Variants in IGSF21 observed in about 807,000 individuals in gnomAD.
IGSF21 encodes the protein immunoglobin superfamily member 21.
A neutral mutation model predicts 46.8 loss-of-function variants in IGSF21; 28 were observed. That is an observed-to-expected ratio of 0.60 (90% CI 0.44 to 0.82). IGSF21 has a LOEUF of 0.82. Ranked by LOEUF, IGSF21 falls within the 40% of genes least tolerant of loss-of-function variation. IGSF21 has a pLI of 0.00. For synonymous variants in IGSF21, 284 were observed against 273.6 expected (o/e 1.04, Z -0.38); for missense variants, 624 against 665.5 (o/e 0.94, Z 0.69).
At chr1:18,148,415 A>T (rs1195218018) in intron 1 of IGSF21, among the ~76,000 whole-genome samples, 1 of 152,132 alleles carries the variant, frequency 6.6e-6, no homozygotes, top group Non-Finnish European at 1.5e-5. Context: ...TACTGGCGTG[A>T]GCCACCATGC....
intron 2 of IGSF21, among the ~76,000 whole-genome samples, chr1:18,238,561 G>A (rs557571433): frequency 3.9e-5 from 6 of 152,264 alleles, no homozygotes; most frequent in Non-Finnish European, 8.8e-5. Context: ...TCTGATAATG[G>A]CAAGGAGACC....
intron 3 of IGSF21, among the ~76,000 whole-genome samples, chr1:18,309,585 T>C (rs2085461955): frequency 6.6e-6 from 1 of 152,172 alleles, no homozygotes; most frequent in Admixed American, 6.5e-5. Context: ...TTTGACAATG[T>C]GGGCCTCTCT....
chr1:18,108,005 C>T lies in IGSF21; in HGVS notation c.-124C>T. 3.0e-6 allele frequency: 1 copy of T among 332,808 alleles called. No individual in the cohort carries two copies. The highest frequency in any genetic ancestry group is 9.3e-4 in the Middle Eastern group (1 of 1,078). The allele number at this position is 332,808 out of a possible 1,614,324, so 20.6% of individuals were successfully genotyped here. On this transcript the variant is annotated 5_prime_UTR_variant, in exon 1 of 10. Coordinates refer to ENST00000251296, the MANE Select transcript of IGSF21 (RefSeq NM_032880.5). ...ATGGGGGCGCCCCCGCGGCTCTCCG[C>T]GCTGCCCGCCACCGCCTCGGCCAGT...
chr1:18,189,692 G>A (rs139105725), intron 1 of IGSF21, among the ~76,000 whole-genome samples: 18 of 152,090 alleles, frequency 1.2e-4, no homozygotes, highest in African/African-American at 4.3e-4. Context: ...AGTAGGGTCC[G>A]TGCTCCTATG....
intron 2 of IGSF21, among the ~76,000 whole-genome samples, chr1:18,242,307 G>A (rs898786667): frequency 6.6e-6 from 1 of 152,132 alleles, no homozygotes; most frequent in African/African-American, 2.4e-5. Flanking sequence ...CTCCCAAGCT[G>A]GACTCTCTTT....
At position 18,225,085 on chromosome 1, in the gene IGSF21, T is replaced by TCTCTCTCTCTCTCTCACACACACA; in HGVS notation, c.71-2812_71-2811insTCTCTCTCTCTCTCACACACACAC. Among the ~76,000 whole-genome samples, 145 of 51,552 alleles carry TCTCTCTCTCTCTCTCACACACACA rather than the reference T, an allele frequency of 2.8e-3. 3 individuals are homozygous for TCTCTCTCTCTCTCTCACACACACA. Among genetic ancestry groups the TCTCTCTCTCTCTCTCACACACACA allele is most frequent in the Non-Finnish European group, 3.8e-3 (95 of 25,170 alleles). 33.8% of individuals were successfully genotyped at this position (51,552 alleles called of 152,430 possible). A position where few individuals can be genotyped will look rare whatever the true frequency, so the allele number is the denominator to read the frequency against. On this transcript the variant is annotated intron_variant, in intron 1 of 9. Transcript: ENST00000251296. ...GTATCTCTCTCTCTCTCTCTCTCTCTCACACACACACACACACACACACAC... is the reference window on the plus strand; with the variant it reads ...GTATCTCTCTCTCTCTCTCTCTCTCTCTCTCTCTCTCTCTCACACACACACACACACACACACACACACACACAC...
At chr1:18,310,455 C>A (rs2085478124) in intron 3 of IGSF21, among the ~76,000 whole-genome samples, 1 of 152,224 alleles carries the variant, frequency 6.6e-6, no homozygotes, top group Non-Finnish European at 1.5e-5. Context: ...CTACGTAGTA[C>A]TCCACTGCGT....
At chr1:18,228,422 A>G (rs1192857376) in intron 2 of IGSF21, among the ~76,000 whole-genome samples, 1 of 152,174 alleles carries the variant, frequency 6.6e-6, no homozygotes, top group African/African-American at 2.4e-5. Flanking sequence ...TGCAAAATCA[A>G]ATCACAGAGA....
At chr1:18,209,963 C>T (rs575818043) in intron 1 of IGSF21, among the ~76,000 whole-genome samples, 38 of 152,186 alleles carry the variant, frequency 2.5e-4, no homozygotes, top group East Asian at 1.4e-3. Flanking sequence ...CACCCCACCC[C>T]GGCCCACTTG....
chr1:18,205,122 A>G (rs921429277), intron 1 of IGSF21, among the ~76,000 whole-genome samples: 1 of 151,166 alleles, frequency 6.6e-6, no homozygotes, highest in African/African-American at 2.4e-5. Flanking sequence ...AATGGGGGAG[A>G]GAAGAAAGAT....
chr1:18,352,195 C>A (rs958704582), intron 4 of IGSF21, among the ~76,000 whole-genome samples: 6 of 152,172 alleles, frequency 3.9e-5, no homozygotes, highest in African/African-American at 1.2e-4. Flanking sequence ...TTCCCCCAAG[C>A]CTTTCGTTTT....
intron 2 of IGSF21, among the ~76,000 whole-genome samples, chr1:18,239,684 C>T (rs1268244811): frequency 6.6e-6 from 1 of 152,162 alleles, no homozygotes; most frequent in Non-Finnish European, 1.5e-5. Context: ...GCTGTCTCTG[C>T]GTGCAATGCC....
At chr1:18,114,903 A>G (rs1335845612) in intron 1 of IGSF21, 11 of 152,230 alleles carry the variant, frequency 7.2e-5, no homozygotes, top group Non-Finnish European at 1.6e-4. Flanking sequence ...ATGTGCTTAC[A>G]GGCCAGTAAG....
intron 3 of IGSF21, among the ~76,000 whole-genome samples, chr1:18,301,756 CA>C (rs1349414426): frequency 6.6e-6 from 1 of 152,170 alleles, no homozygotes; most frequent in East Asian, 1.9e-4. Context: ...AGGATCTACC[CA>C]GGATGCTTGG....
chr1:18,324,880 C>G (rs1046460172), intron 3 of IGSF21, among the ~76,000 whole-genome samples: 1 of 152,230 alleles, frequency 6.6e-6, no homozygotes, highest in African/African-American at 2.4e-5. Context: ...TCGGGTTATT[C>G]CGTCTTCGGT....
chr1:18,347,624 C>T (rs1485628161), intron 4 of IGSF21, among the ~76,000 whole-genome samples: 2 of 152,232 alleles, frequency 1.3e-5, no homozygotes, highest in African/African-American at 4.8e-5. Flanking sequence ...GATTGCCACT[C>T]TCCTTCCGTG....
intron 1 of IGSF21, among the ~76,000 whole-genome samples, chr1:18,137,629 G>C (rs1301398112): frequency 2.0e-5 from 3 of 152,154 alleles, no homozygotes; most frequent in East Asian, 1.9e-4. Context: ...ACTGAGGAAA[G>C]CCACTTTGGG....
rs184997088 is a variant in IGSF21 at position 18,186,948 on chromosome 1, C to A, written c.71-40950C>A. 4.6e-5 allele frequency among the ~76,000 whole-genome samples: 7 copies of A among 152,346 alleles called. No individual in the cohort carries two copies. The East Asian group carries it at 1.3e-3, about 29-fold the overall frequency. On this transcript the variant is annotated intron_variant, in intron 1 of 9. Transcript: ENST00000251296. The stretch of plus-strand genomic sequence containing the variant: ...CATAGCATCCTCTGTCTTTCTTCAA[C>A]ACACTTATTTTTGTAACCATCATCC...
At chr1:18,157,823 G>A (rs2086581521) in intron 1 of IGSF21, among the ~76,000 whole-genome samples, 1 of 152,082 alleles carries the variant, frequency 6.6e-6, no homozygotes, top group African/African-American at 2.4e-5. Flanking sequence ...GAGTCTTGGA[G>A]GGGAGGGGTG....
Sources: gnomAD v4.1 joint callset for allele counts (sites outside exome capture counted in the v4.1 genomes callset) on GRCh38, gnomAD v4.1.1 for gene constraint, MANE v1.5 for transcripts, NCBI Gene and HGNC (gene_info 2026-07-23, HGNC 2026-07-21) for gene names.